TUT4: variants seen among roughly 807,000 people sequenced by gnomAD.
TUT4 encodes the protein terminal uridylyltransferase 4.
In TUT4, 36 loss-of-function variants were observed where a neutral mutation model predicts 192.2. The ratio of observed to expected loss-of-function variants is 0.19; its 90% confidence interval spans 0.14 to 0.25. The LOEUF (loss-of-function observed/expected upper bound fraction) is 0.25, where lower values mean the gene tolerates loss of function less well. TUT4 is among the 10% of genes least tolerant of loss of function. The pLI, the probability that TUT4 is intolerant of heterozygous loss-of-function variation, is 1.00. For synonymous variants in TUT4, 618 were observed against 666.0 expected (o/e 0.93, Z 1.11); for missense variants, 1,493 against 1,957.2 (o/e 0.76, Z 4.47).
intron 16 of TUT4, chr1:52,462,772 A>C: frequency 1.0e-6 from 1 of 985,288 alleles, no homozygotes. Flanking sequence ...TACCTCTGTA[A>C]ATTTAAATGT....
Position 52,475,241 on chromosome 1 carries a change from G to A in TUT4, c.2318C>T (p.Ser773Leu), listed in dbSNP as rs1392649050. The change falls in exon 13 of 30, where the codon TCA becomes TTA. Residue 773 changes from serine to leucine, a missense_variant. Ser to Leu is a moderately radical substitution (Grantham distance 145). Transcript: ENST00000257177. ...GTTGTTGTCAATAATACATCTCTGT[G>A]ATGTACAGTCCATTTCATCACATTG... ...PVQCDEMDCT[S>L]QRCIIDNNNL... 4 of 1,613,954 alleles carry A rather than the reference G, an allele frequency of 2.5e-6. No individual in the cohort carries two copies. Among genetic ancestry groups the A allele is most frequent in the Non-Finnish European group, 3.4e-6 (4 of 1,180,042 alleles).
chr1:52,476,404 T>C (rs1039839211), intron 12 of TUT4, among the ~76,000 whole-genome samples: 1 of 152,156 alleles, frequency 6.6e-6, no homozygotes, highest in Admixed American at 6.5e-5. Flanking sequence ...ATCCTTATTA[T>C]TAATAACATG....
At chr1:52,534,829 C>T (rs114978222) in intron 1 of TUT4, among the ~76,000 whole-genome samples, 5,138 of 152,204 alleles carry the variant, frequency 0.034, 135 homozygotes, top group Non-Finnish European at 0.054. Context: ...CACCACTGAA[C>T]CCCAGGCTGG....
chr1:52,538,172 G>A (rs1050941812), intron 1 of TUT4, among the ~76,000 whole-genome samples: 12 of 152,142 alleles, frequency 7.9e-5, no homozygotes, highest in African/African-American at 2.9e-4. Flanking sequence ...GGAGGTGGAG[G>A]TTGCAGTGAG....
intron 16 of TUT4, 95 bp from the exon 17 acceptor site, chr1:52,461,864 C>T: frequency 1.3e-6 from 1 of 750,532 alleles, no homozygotes. Context: ...TTACAATTTC[C>T]AGCCATAAAG....
chr1:52,499,650 C>T (rs945093346), intron 4 of TUT4, among the ~76,000 whole-genome samples: 2 of 151,210 alleles, frequency 1.3e-5, no homozygotes, highest in African/African-American at 4.9e-5. Flanking sequence ...GTGAGGATGG[C>T]TTGAGCCCCG....
chr1:52,456,691 GGGA>G (rs376845030), intron 20 of TUT4, among the ~76,000 whole-genome samples: 44 of 152,106 alleles, frequency 2.9e-4, no homozygotes, highest in Non-Finnish European at 5.7e-4. Flanking sequence ...AGGGGTTGAG[GGGA>G]GGATGACTAG....
chr1:52,426,512 T>A (rs1017100470), intron 28 of TUT4, among the ~76,000 whole-genome samples: 6 of 152,152 alleles, frequency 3.9e-5, no homozygotes, highest in African/African-American at 1.4e-4. Flanking sequence ...TTCACTAAAC[T>A]TCTCAGCAGG....
intron 1 of TUT4, among the ~76,000 whole-genome samples, chr1:52,551,489 G>T (rs1168800900): frequency 6.6e-6 from 1 of 152,140 alleles, no homozygotes; most frequent in Non-Finnish European, 1.5e-5. Context: ...CAAAGTATAT[G>T]GTTTCTAAGA....
At position 52,513,296 on chromosome 1, in the gene TUT4, G is replaced by A. The variant is rs551009461; in HGVS notation, c.882+2595C>T. Among the ~76,000 whole-genome samples the A allele has an allele frequency of 3.1e-4, 46 of 150,180 alleles. No homozygotes were observed. In the South Asian group the frequency reaches 4.0e-3, roughly 13 times the overall value. On this transcript the variant is annotated intron_variant, in intron 3 of 29. Transcript: ENST00000257177. Reference sequence around the variant, plus strand: ...CATGCCTGTAGTCCCAAGCTACTCGGGAGACTTAGGTACCTGAGCCTGGGA... The same window carrying A: ...CATGCCTGTAGTCCCAAGCTACTCGAGAGACTTAGGTACCTGAGCCTGGGA...
chr1:52,461,854 T>A, intron 16 of TUT4, 85 bp from the exon 17 acceptor site: 1 of 804,544 alleles, frequency 1.2e-6, no homozygotes, highest in Non-Finnish European at 1.9e-6. Context: ...ATAGTAGCAT[T>A]TACAATTTCC....
At chr1:52,486,399 G>A (rs967704626) in intron 9 of TUT4, among the ~76,000 whole-genome samples, 6 of 151,930 alleles carry the variant, frequency 3.9e-5, no homozygotes, top group Admixed American at 2.6e-4. Context: ...AAAATGCAAA[G>A]ACTATAACTA....
At chr1:52,428,408 T>C (rs1359600610) in intron 28 of TUT4, among the ~76,000 whole-genome samples, 1 of 151,836 alleles carries the variant, frequency 6.6e-6, no homozygotes, top group Non-Finnish European at 1.5e-5. Context: ...AGGCGGATAA[T>C]TTGAGGTCAG....
chr1:52,493,724 A>G (rs1671762682), intron 6 of TUT4, 62 bp from the exon 7 acceptor site: 3 of 1,011,226 alleles, frequency 3.0e-6, no homozygotes, highest in Non-Finnish European at 3.0e-6. Flanking sequence ...CAGAACATTA[A>G]GGAAAACTCA....
intron 15 of TUT4, among the ~76,000 whole-genome samples, chr1:52,466,682 A>ATATTTTT (rs372853314): frequency 2.4e-5 from 3 of 123,844 alleles, no homozygotes; most frequent in African/African-American, 9.7e-5. Flanking sequence ...ATATATATAT[A>ATATTTTT]TTTTTGAGAC....
chr1:52,437,969 TAAAAAC>T (rs1398784716), intron 25 of TUT4, among the ~76,000 whole-genome samples: 2 of 150,038 alleles, frequency 1.3e-5, no homozygotes, highest in Non-Finnish European at 3.0e-5. Context: ...AAAACAAAAA[TAAAAAC>T]AAAAACAAAA....
At chr1:52,466,645 C>CAAAAA (rs71579929) in intron 15 of TUT4, among the ~76,000 whole-genome samples, 3 of 118,322 alleles carry the variant, frequency 2.5e-5, no homozygotes, top group African/African-American at 1.0e-4. Flanking sequence ...TATCCTATTT[C>CAAAAA]AAAAAAAAAA....
chr1:52,436,676 G>A, intron 26 of TUT4, 79 bp downstream of exon 26: 1 of 1,588,400 alleles, frequency 6.3e-7, no homozygotes, highest in Non-Finnish European at 8.6e-7. Flanking sequence ...CAACAGAGAG[G>A]AATTAGGGTC....
intron 4 of TUT4, among the ~76,000 whole-genome samples, chr1:52,508,255 AG>A (rs1255568893): frequency 6.7e-6 from 1 of 149,786 alleles, no homozygotes; most frequent in African/African-American, 2.5e-5. Flanking sequence ...TAAACCTGGG[AG>A]GCAGAGGTTA....
Sources: allele counts gnomAD v4.1 joint callset (sites outside exome capture counted in the v4.1 genomes callset), GRCh38; gene constraint gnomAD v4.1.1; transcripts MANE v1.5; gene names NCBI Gene and HGNC (gene_info 2026-07-23, HGNC 2026-07-21).